TUSC3: variants seen among roughly 807,000 people sequenced by gnomAD.
TUSC3 encodes the protein tumor suppressor candidate 3.
In TUSC3, 45 loss-of-function variants were observed where a neutral mutation model predicts 44.8. The observed-to-expected ratio is 1.00, with a 90% CI of 0.79 to 1.29. TUSC3 has a LOEUF of 1.29. Ranked by LOEUF, TUSC3 falls within the 50% of genes most tolerant of loss-of-function variation. The pLI, the probability that TUSC3 is intolerant of heterozygous loss-of-function variation, is 0.00. For missense variants in TUSC3, 519 were observed against 437.9 expected (o/e 1.19, Z -1.65); for synonymous variants, 212 against 152.9 (o/e 1.39, Z -2.85).
intron 1 of TUSC3, among the ~76,000 whole-genome samples, chr8:15,581,980 C>G (rs939550477): frequency 2.0e-5 from 3 of 151,342 alleles, no homozygotes; most frequent in South Asian, 4.2e-4. Flanking sequence ...GCGTAGGACC[C>G]TCTGAGCCAG....
chr8:15,734,843 T>C (rs1031289112), intron 7 of TUSC3, among the ~76,000 whole-genome samples: 3 of 152,178 alleles, frequency 2.0e-5, no homozygotes, highest in Non-Finnish European at 4.4e-5. Context: ...ATATTCTTTA[T>C]TGCAGGAAGA....
intron 10 of TUSC3, among the ~76,000 whole-genome samples, chr8:15,761,192 A>C (rs929649501): frequency 6.6e-6 from 1 of 152,176 alleles, no homozygotes; most frequent in Non-Finnish European, 1.5e-5. Context: ...TAAACTTGCT[A>C]ATAAACCTAT....
At chr8:15,609,451 G>A (rs6993982) in intron 1 of TUSC3, among the ~76,000 whole-genome samples, 41,915 of 151,940 alleles carry the variant, frequency 0.28, 6,445 homozygotes, top group Non-Finnish European at 0.35. Context: ...TTTAACAGCT[G>A]CTCTCATTTC....
At chr8:15,508,555 G>T (rs1456727630) in intron 2 of TUSC3, among the ~76,000 whole-genome samples, 2 of 129,034 alleles carry the variant, frequency 1.5e-5, no homozygotes, top group Non-Finnish European at 3.1e-5. Flanking sequence ...TCCGCCTCCC[G>T]GGTTCGTGCC....
At chr8:15,514,035 T>A (rs1013304016) in intron 2 of TUSC3, among the ~76,000 whole-genome samples, 1 of 152,124 alleles carries the variant, frequency 6.6e-6, no homozygotes, top group Non-Finnish European at 1.5e-5. Flanking sequence ...TAACCAGTAC[T>A]TTTCATCCTA....
upstream of TUSC3, among the ~76,000 whole-genome samples, chr8:15,536,226 G>A (rs1050811626): frequency 3.3e-5 from 5 of 152,192 alleles, no homozygotes; most frequent in Non-Finnish European, 7.3e-5. Flanking sequence ...GCATGAGAAA[G>A]CAGAGGAAAA....
At chr8:15,500,242 C>G (rs1418954445) in intron 2 of TUSC3, among the ~76,000 whole-genome samples, 1 of 152,158 alleles carries the variant, frequency 6.6e-6, no homozygotes. Context: ...ACTGGGTATT[C>G]TATCAAGAAT....
the TUSC3 span, among the ~76,000 whole-genome samples, chr8:15,840,738 T>G: frequency 6.6e-6 from 1 of 152,186 alleles, no homozygotes; most frequent in Non-Finnish European, 1.5e-5. Context: ...CCATTGTGCT[T>G]ATAATTTTTA....
At chr8:15,789,364 T>C in the TUSC3 span, among the ~76,000 whole-genome samples, 21 of 152,282 alleles carry the variant, frequency 1.4e-4, no homozygotes, top group African/African-American at 4.6e-4. Context: ...AAATAGCATT[T>C]TCAACAATGG....
chr8:15,515,534 A>G (rs939396443), intron 2 of TUSC3, among the ~76,000 whole-genome samples: 8 of 152,194 alleles, frequency 5.3e-5, no homozygotes, highest in African/African-American at 1.7e-4. Context: ...TAATAGGTAT[A>G]GATTAGAAAC....
rs192637143 is a variant in TUSC3 at position 15,531,504 on chromosome 8, G to A, written n.189+48021G>A. Among the ~76,000 whole-genome samples, 146 of 152,206 alleles carry A rather than the reference G, an allele frequency of 9.6e-4. No homozygotes were observed. In the East Asian group the frequency reaches 0.022, roughly 23 times the overall value. ...TGACCTCAGGTGATCCACCTGCCTC[G>A]GCCTCCCAAAGTGCTGGGATTACAG... On this transcript the variant is annotated intron_variant and non_coding_transcript_variant, in intron 2 of 5. Transcript: ENST00000503191.
At chr8:15,513,417 G>A (rs1374139188) in intron 2 of TUSC3, among the ~76,000 whole-genome samples, 1 of 152,138 alleles carries the variant, frequency 6.6e-6, no homozygotes, top group Non-Finnish European at 1.5e-5. Flanking sequence ...GATATAAATT[G>A]AGAACTGCAG....
intron 1 of TUSC3, among the ~76,000 whole-genome samples, chr8:15,587,573 G>A (rs1170681817): frequency 1.3e-5 from 2 of 152,138 alleles, no homozygotes; most frequent in Non-Finnish European, 1.5e-5. Flanking sequence ...TGTATTGGGA[G>A]CATCCAGAAT....
intron 9 of TUSC3, among the ~76,000 whole-genome samples, chr8:15,751,106 T>G (rs1811680995): frequency 6.6e-6 from 1 of 152,118 alleles, no homozygotes; most frequent in East Asian, 1.9e-4. Flanking sequence ...TTGTGTGGGT[T>G]TACGAGATTG....
chr8:15,710,249 C>T (rs1809788256), intron 6 of TUSC3, among the ~76,000 whole-genome samples: 1 of 151,858 alleles, frequency 6.6e-6, no homozygotes, highest in African/African-American at 2.4e-5. Context: ...GCTTTATTTG[C>T]TACCACTTAT....
the TUSC3 span, among the ~76,000 whole-genome samples, chr8:15,809,582 T>C: frequency 1.3e-5 from 2 of 152,190 alleles, no homozygotes; most frequent in Admixed American, 1.3e-4. Flanking sequence ...AAGTCTAGTT[T>C]ATCAATTAGG....
intron 1 of TUSC3, among the ~76,000 whole-genome samples, chr8:15,543,558 C>T (rs1307769815): frequency 2.0e-5 from 3 of 151,854 alleles, no homozygotes; most frequent in Admixed American, 6.6e-5. Flanking sequence ...ATTATGTATA[C>T]ATGTATGTAA....
At chr8:15,833,100 A>G in the TUSC3 span, among the ~76,000 whole-genome samples, 1 of 152,334 alleles carries the variant, frequency 6.6e-6, no homozygotes, top group East Asian at 1.9e-4. Context: ...CAACAAGCAT[A>G]TAAGTAAAAG....
intron 1 of TUSC3, among the ~76,000 whole-genome samples, chr8:15,564,086 T>G (rs566684613): frequency 6.6e-6 from 1 of 152,290 alleles, no homozygotes; most frequent in African/African-American, 2.4e-5. Context: ...TTCTGTCAGA[T>G]AATTACTTGA....
Sources: allele counts gnomAD v4.1 joint callset (sites outside exome capture counted in the v4.1 genomes callset), GRCh38; gene constraint gnomAD v4.1.1; transcripts MANE v1.5; gene names NCBI Gene and HGNC (gene_info 2026-07-23, HGNC 2026-07-21).